The following ZNF385D variants were observed in gnomAD, a reference collection of about 807,000 sequenced individuals.
ZNF385D encodes zinc finger protein 659.
In ZNF385D, 15 loss-of-function variants were observed where a neutral mutation model predicts 35.8. That is an observed-to-expected ratio of 0.42 (90% CI 0.28 to 0.64). The LOEUF is 0.64. Among genes scored for constraint, ZNF385D ranks in the 30% least tolerant of loss-of-function variants. The probability of loss-of-function intolerance (pLI) is 0.23; values close to 1 mark genes in which losing one functional copy is unlikely to be tolerated. For synonymous variants in ZNF385D, 212 were observed against 186.8 expected (o/e 1.13, Z -1.10); for missense variants, 474 against 494.6 (o/e 0.96, Z 0.39).
At chr3:21,628,929 A>T (rs1403139829) in intron 2 of ZNF385D, among the ~76,000 whole-genome samples, 1 of 152,064 alleles carries the variant, frequency 6.6e-6, no homozygotes, top group African/African-American at 2.4e-5. Context: ...ATGTTTTATG[A>T]CTCCATGTAC....
chr3:21,757,299 T>A (rs12633290), intron 3 of ZNF385D, among the ~76,000 whole-genome samples: 2 of 151,634 alleles, frequency 1.3e-5, no homozygotes, highest in Non-Finnish European at 2.9e-5. Flanking sequence ...CATGCCACCA[T>A]GCCAGGCTAA....
chr3:21,600,811 TTATAAA>T (rs1413340773), intron 2 of ZNF385D, among the ~76,000 whole-genome samples: 1 of 151,940 alleles, frequency 6.6e-6, no homozygotes, highest in Non-Finnish European at 1.5e-5. Flanking sequence ...CTCTGAGAAA[TTATAAA>T]TATGAGAGTA....
At chr3:21,491,798 A>T (rs1339373074) in intron 4 of ZNF385D, among the ~76,000 whole-genome samples, 4 of 152,180 alleles carry the variant, frequency 2.6e-5, no homozygotes, top group Admixed American at 6.6e-5. Context: ...ATTGCTAAAC[A>T]CTACGTAATA....
chr3:21,968,418 G>A (rs1457388343), intron 3 of ZNF385D, among the ~76,000 whole-genome samples: 1 of 152,112 alleles, frequency 6.6e-6, no homozygotes, highest in Non-Finnish European at 1.5e-5. Flanking sequence ...ATGACCTAGT[G>A]AGACATCAGC....
chr3:22,334,987 T>A (rs1222852892), intron 2 of ZNF385D, among the ~76,000 whole-genome samples: 1 of 152,184 alleles, frequency 6.6e-6, no homozygotes, highest in Non-Finnish European at 1.5e-5. Context: ...AATCATTGTG[T>A]TAATTCAACA....
At chr3:21,745,480 C>T (rs1055327507) in intron 1 of ZNF385D, among the ~76,000 whole-genome samples, 45 of 152,232 alleles carry the variant, frequency 3.0e-4, no homozygotes, top group African/African-American at 5.1e-4. Context: ...TTTAACGCTG[C>T]GACAGAGCAA....
intron 3 of ZNF385D, among the ~76,000 whole-genome samples, chr3:21,934,161 T>A (rs1037091226): frequency 6.6e-6 from 1 of 152,212 alleles, no homozygotes; most frequent in East Asian, 1.9e-4. Context: ...TTTCTTTAGT[T>A]CTGAGAAGCA....
At chr3:21,842,432 C>T (rs185583497) in intron 3 of ZNF385D, among the ~76,000 whole-genome samples, 28 of 151,962 alleles carry the variant, frequency 1.8e-4, no homozygotes, top group East Asian at 9.7e-4. Flanking sequence ...TGAATCCAGC[C>T]GTTATGAATT....
chr3:21,972,541 C>T (rs1703328701), intron 3 of ZNF385D, among the ~76,000 whole-genome samples: 1 of 151,612 alleles, frequency 6.6e-6, no homozygotes, highest in Non-Finnish European at 1.5e-5. Context: ...AGATCAAGAA[C>T]AAATCAAACC....
chr3:21,540,123 ATT>A (rs2062136814), intron 3 of ZNF385D, among the ~76,000 whole-genome samples: 1 of 152,200 alleles, frequency 6.6e-6, no homozygotes, highest in Admixed American at 6.5e-5. Context: ...ATTCATATGC[ATT>A]TAGTTAGAAG....
At chr3:21,809,145 A>G (rs2072789613) in intron 3 of ZNF385D, among the ~76,000 whole-genome samples, 1 of 152,230 alleles carries the variant, frequency 6.6e-6, no homozygotes. Flanking sequence ...CCAAGATGAC[A>G]TAGATGTTGA....
intron 2 of ZNF385D, among the ~76,000 whole-genome samples, chr3:21,660,192 A>G (rs150021746): frequency 3.3e-5 from 5 of 152,172 alleles, no homozygotes; most frequent in African/African-American, 1.2e-4. Context: ...ATCATATTAT[A>G]CAGAGGAGCA....
At chr3:21,771,018 C>T (rs568488073) in intron 3 of ZNF385D, among the ~76,000 whole-genome samples, 56 of 143,762 alleles carry the variant, frequency 3.9e-4, no homozygotes, top group African/African-American at 1.4e-3. Context: ...CATGTTCTCA[C>T]TCATAGGTGG....
intron 3 of ZNF385D, among the ~76,000 whole-genome samples, chr3:21,773,761 C>CA (rs34517595): frequency 0.035 from 5,125 of 147,032 alleles, 118 homozygotes; most frequent in African/African-American, 0.066. Context: ...ATTAAAAAGT[C>CA]AAAAAAAAAA....
Position 21,821,541 on chromosome 3 carries a change from T to G in ZNF385D, c.326-156513A>C, listed in dbSNP as rs531352430. On this transcript the variant is annotated intron_variant, in intron 3 of 5. Transcript: ENST00000494108. Reference sequence around the variant, plus strand: ...TAAGAATGATTAACTAAACAAAAAATTGGGCAATGGCTTGCATGCACATCT... The same window carrying G: ...TAAGAATGATTAACTAAACAAAAAAGTGGGCAATGGCTTGCATGCACATCT... Among the ~76,000 whole-genome samples the G allele has an allele frequency of 2.6e-5, 4 of 152,276 alleles. No individual in the cohort carries two copies. In the East Asian group the frequency reaches 7.7e-4, roughly 29 times the overall value.
chr3:21,721,062 AG>A (rs751649652), intron 1 of ZNF385D, among the ~76,000 whole-genome samples: 1 of 151,786 alleles, frequency 6.6e-6, no homozygotes, highest in Non-Finnish European at 1.5e-5. Context: ...AAGTTGTAAC[AG>A]GTTTTTTTTT....
At chr3:21,519,317 G>GA (rs1707773794) in intron 3 of ZNF385D, among the ~76,000 whole-genome samples, 2 of 152,148 alleles carry the variant, frequency 1.3e-5, no homozygotes, top group South Asian at 4.1e-4. Flanking sequence ...ACATGGCTGT[G>GA]AAAAAAATAG....
rs367561076 is a variant in ZNF385D, at chr3:22,121,626, T to C, written c.325+47191A>G. On this transcript the variant is annotated intron_variant, in intron 3 of 5. Coordinates refer to the ZNF385D transcript ENST00000494108. ...CAGTAATCATACCTACTGGTCCTCA[T>C]GTTCCTGGGCTTGCAAAACTTAGGG... 2.4e-4 allele frequency among the ~76,000 whole-genome samples: 36 copies of C among 151,316 alleles called. No individual in the cohort carries two copies. In the South Asian group the frequency reaches 6.9e-3, roughly 29 times the overall value.
chr3:22,084,024 G>A (rs1700900341), intron 3 of ZNF385D, among the ~76,000 whole-genome samples: 1 of 152,100 alleles, frequency 6.6e-6, no homozygotes, highest in Non-Finnish European at 1.5e-5. Flanking sequence ...TTACAGACAA[G>A]GAAATGCTGA....
Sources: gnomAD v4.1 joint callset for allele counts (sites outside exome capture counted in the v4.1 genomes callset) on GRCh38, gnomAD v4.1.1 for gene constraint, MANE v1.5 for transcripts, NCBI Gene and HGNC (gene_info 2026-07-23, HGNC 2026-07-21) for gene names.